HERC1: variants seen among roughly 807,000 people sequenced by gnomAD.
HERC1 encodes the protein HECT and RLD domain containing E3 ubiquitin protein ligase family member 1.
HERC1 carries 160 observed loss-of-function variants against 554.3 expected under a neutral mutation model. The observed-to-expected ratio is 0.29, with a 90% CI of 0.25 to 0.33. The LOEUF (loss-of-function observed/expected upper bound fraction) is 0.33, where lower values mean the gene tolerates loss of function less well. Among genes scored for constraint, HERC1 ranks in the 10% least tolerant of loss-of-function variants. The pLI is 1.00. For synonymous variants in HERC1, 2,175 were observed against 2,131.7 expected (o/e 1.02, Z -0.56); for missense variants, 4,919 against 5,918.5 (o/e 0.83, Z 5.54).
chr15:63,784,624 T>C (rs913351428), intron 1 of HERC1, among the ~76,000 whole-genome samples: 1 of 152,140 alleles, frequency 6.6e-6, no homozygotes, highest in Non-Finnish European at 1.5e-5. Flanking sequence ...TTTTTCCTTT[T>C]TGAGACAGAG....
chr15:63,691,952 A>C (rs144094976), intron 31 of HERC1, among the ~76,000 whole-genome samples: 3 of 152,366 alleles, frequency 2.0e-5, no homozygotes, highest in Non-Finnish European at 4.4e-5. Flanking sequence ...CAGACATTTT[A>C]GGGTAAGGAC....
intron 1 of HERC1, chr15:63,780,367 A>G (rs2076251353): frequency 6.6e-6 from 1 of 152,216 alleles, no homozygotes; most frequent in Admixed American, 6.5e-5. Context: ...GAAATGAATC[A>G]AAGAAACAGA....
chr15:63,615,959 G>A, intron 75 of HERC1, 39 bp from the exon 76 acceptor site: 2 of 1,496,700 alleles, frequency 1.3e-6, no homozygotes, highest in Admixed American at 2.4e-5. Context: ...TTACATGGTA[G>A]AAATGACAGC....
intron 55 of HERC1, 48 bp downstream of exon 55, chr15:63,648,021 A>G: frequency 1.4e-6 from 2 of 1,469,504 alleles, no homozygotes; most frequent in Non-Finnish European, 1.9e-6. Flanking sequence ...CATGTAACAA[A>G]ATTATATTTG....
At chr15:63,663,276 C>A in intron 43 of HERC1, 72 bp from the exon 44 acceptor site, 1 of 1,281,714 alleles carries the variant, frequency 7.8e-7, no homozygotes, top group Non-Finnish European at 1.1e-6. Context: ...CAGTTCTTAA[C>A]TGCCATACAT....
In HERC1 at chr15:63,680,447, T is replaced by A. The variant is rs1159469197; in HGVS notation, c.6465+90A>T. 5.3e-6 allele frequency: 7 copies of A among 1,327,270 alleles called. No homozygotes were observed. In the East Asian group the frequency reaches 1.5e-4, roughly 28 times the overall value. 82.2% of individuals were successfully genotyped at this position (1,327,270 alleles called of 1,614,324 possible). A position where few individuals can be genotyped will look rare whatever the true frequency, so the allele number is the denominator to read the frequency against. ...AGAGAAAGGAGAGACGAGCAGATAA[T>A]CTATAAACTGAATACGTGGCACTTG... On this transcript the variant is annotated intron_variant, in intron 35 of 77. Transcript: ENST00000443617. This position sits in a 1 kb window ranked among gnomAD's most constrained non-coding sequence, Gnocchi z 5.8.
chr15:63,707,689 A>G (rs2073083196), intron 24 of HERC1, among the ~76,000 whole-genome samples: 1 of 152,090 alleles, frequency 6.6e-6, no homozygotes, highest in Non-Finnish European at 1.5e-5. Flanking sequence ...AGCACTTTGG[A>G]AAGCCGAGGC....
At chr15:63,757,858 C>T (rs930039997) in intron 4 of HERC1, among the ~76,000 whole-genome samples, 20 of 151,900 alleles carry the variant, frequency 1.3e-4, no homozygotes, top group Non-Finnish European at 2.5e-4. Context: ...TACAGGCATG[C>T]GCCACCATGC....
chr15:63,774,112 A>G (rs2076040766), intron 2 of HERC1, among the ~76,000 whole-genome samples: 1 of 152,162 alleles, frequency 6.6e-6, no homozygotes, highest in Non-Finnish European at 1.5e-5. Flanking sequence ...TAACTAAAAC[A>G]GCAACTTTTC....
intron 8 of HERC1, chr15:63,752,659 G>A (rs560153654): frequency 3.5e-5 from 7 of 197,830 alleles, no homozygotes; most frequent in East Asian, 2.5e-4. Flanking sequence ...AGCTTTCCCC[G>A]ACTATCCATA....
intron 18 of HERC1, among the ~76,000 whole-genome samples, chr15:63,723,819 A>G (rs2073925110): frequency 6.6e-6 from 1 of 152,208 alleles, no homozygotes; most frequent in African/African-American, 2.4e-5. Flanking sequence ...AAAATGATCC[A>G]TGTAAAAGAT....
chr15:63,801,579 T>C (rs1449972953), intron 1 of HERC1, among the ~76,000 whole-genome samples: 1 of 152,244 alleles, frequency 6.6e-6, no homozygotes, highest in African/African-American at 2.4e-5. Flanking sequence ...ATTTTGCTTA[T>C]ATCCCTAGTG....
chr15:63,634,847 A>C lies in HERC1; in HGVS notation c.12456T>G (p.Asp4152Glu). The change falls in exon 66 of 78, where the codon GAT (aspartate) becomes GAG (glutamate). Residue 4152 changes from aspartate (D) to glutamate (E), a missense_variant. Asp to Glu is a conservative substitution (Grantham distance 45, BLOSUM62 2). Around this residue, in one of 11 missense-constraint regions of HERC1, gnomAD observed 410 missense variants for 467.0 expected, o/e 0.88. Coordinates refer to ENST00000443617, the MANE Select transcript of HERC1 (RefSeq NM_003922.4). Reference sequence around the variant, plus strand: ...CATTCCCAAAGGTGAACAGTTTGCCATCTGAAGTGACCACTGCTGAGTGCT... The same window carrying C: ...CATTCCCAAAGGTGAACAGTTTGCCCTCTGAAGTGACCACTGCTGAGTGCT... Reference protein sequence around the residue: ...GFKHSAVVTSDGKLFTFGNGD... With the variant: ...GFKHSAVVTSEGKLFTFGNGD... 1 of 1,613,740 alleles carries C rather than the reference A, an allele frequency of 6.2e-7. No individual in the cohort carries two copies. Among genetic ancestry groups the C allele is most frequent in the Non-Finnish European group, 8.5e-7 (1 of 1,179,758 alleles).
intron 19 of HERC1, among the ~76,000 whole-genome samples, chr15:63,722,312 G>A (rs2073853697): frequency 6.6e-6 from 1 of 152,116 alleles, no homozygotes; most frequent in African/African-American, 2.4e-5. Context: ...TTTTATAGAT[G>A]AATACTGACC....
intron 1 of HERC1, among the ~76,000 whole-genome samples, chr15:63,781,544 G>A (rs1418653047): frequency 1.3e-5 from 2 of 152,108 alleles, no homozygotes; most frequent in East Asian, 1.9e-4. Context: ...ATCGATAAAT[G>A]GTACGTGTTT....
chr15:63,742,240 G>A lies in HERC1; in HGVS notation c.2520+4678C>T, dbSNP rs575008825. 2.0e-5 allele frequency among the ~76,000 whole-genome samples: 3 copies of A among 152,132 alleles called. No individual in the cohort carries two copies. The South Asian group carries it at 6.2e-4, about 32-fold the overall frequency. The stretch of plus-strand genomic sequence containing the variant: ...TATTCCTAAGTATCCTATTCTTTTT[G>A]ATGCTTTTGTACATAAACTTGTTTC... On this transcript the variant is annotated intron_variant, in intron 12 of 77. Transcript: ENST00000443617.
chr15:63,674,439 T>C lies in HERC1; in HGVS notation c.7749A>G (p.Ala2583=), dbSNP rs1452325120. The C allele has an allele frequency of 3.1e-6, 5 of 1,613,834 alleles. No homozygotes were observed. The highest frequency in any genetic ancestry group is 2.2e-5 in the East Asian group (1 of 44,886). The part of the protein sequence containing the change: ...RAVMRSPIKR[A]LGLADLERAQ... The stretch of plus-strand genomic sequence containing the variant: ...CTCGTTCCAGATCAGCTAATCCCAA[T>C]GCTCTCTTTATGGGTGACCGCATGA... The change falls in exon 38 of 78, where the codon GCA becomes GCG. Residue 2583 remains alanine, a synonymous_variant. Coordinates refer to ENST00000443617, the MANE Select transcript of HERC1 (RefSeq NM_003922.4).
rs2073900983 is a variant in HERC1 at position 63,723,367 on chromosome 15, ACTCACGTTACCAATT to A, written c.3569-27_3569-13del. 6.6e-7 allele frequency: 1 copy of A among 1,512,588 alleles called. No homozygotes were observed. The highest frequency in any genetic ancestry group is 8.9e-7 in the Non-Finnish European group (1 of 1,121,228). The allele number at this position is 1,512,588 out of a possible 1,614,324, so 93.7% of individuals were successfully genotyped here. On this transcript the variant is annotated splice_polypyrimidine_tract_variant and intron_variant, in intron 18 of 77. Coordinates refer to ENST00000443617, the MANE Select transcript of HERC1 (RefSeq NM_003922.4). ...ACTCATACATTTATCTAAAAAAAATACTCACGTTACCAATTTTAACATCATAAATTTTGGTGCTAC... is the reference window on the plus strand; with the variant it reads ...ACTCATACATTTATCTAAAAAAAATATTAACATCATAAATTTTGGTGCTAC...
intron 16 of HERC1, 123 bp downstream of exon 16, chr15:63,729,113 C>T: frequency 1.1e-6 from 1 of 895,630 alleles, no homozygotes; most frequent in South Asian, 1.9e-5. Flanking sequence ...AAGGAATCTT[C>T]AATAGAAGGA....
Sources: allele counts gnomAD v4.1 joint callset (sites outside exome capture counted in the v4.1 genomes callset), GRCh38; gene constraint gnomAD v4.1.1; regional missense constraint gnomAD v4.1.1; non-coding constraint Gnocchi (gnomAD v3.1); transcripts MANE v1.5; gene names NCBI Gene and HGNC (gene_info 2026-07-23, HGNC 2026-07-21).